DLGAP1: variants seen among roughly 807,000 people sequenced by gnomAD.
DLGAP1 encodes disks large-associated protein 1.
In DLGAP1, 11 loss-of-function variants were observed where a neutral mutation model predicts 90.8. The ratio of observed to expected loss-of-function variants is 0.12; its 90% CI spans 0.08 to 0.20. The LOEUF (loss-of-function observed/expected upper bound fraction) is 0.20. Among genes scored for constraint, DLGAP1 ranks in the 10% least tolerant of loss-of-function variants. DLGAP1 has a pLI of 1.00. For synonymous variants in DLGAP1, 558 were observed against 540.7 expected (o/e 1.03, Z -0.44); for missense variants, 1,050 against 1,333.8 (o/e 0.79, Z 3.31).
chr18:4,193,511 G>C (rs1322695907), intron 1 of DLGAP1, among the ~76,000 whole-genome samples: 1 of 152,118 alleles, frequency 6.6e-6, no homozygotes, highest in Non-Finnish European at 1.5e-5. Flanking sequence ...TCAAATGCTA[G>C]GCTGCCACCA....
intron 3 of DLGAP1, among the ~76,000 whole-genome samples, chr18:3,938,150 C>A (rs559822938): frequency 3.9e-5 from 6 of 152,140 alleles, no homozygotes; most frequent in Admixed American, 3.9e-4. Flanking sequence ...GAAACATACA[C>A]GTTAAAAAAG....
intron 11 of DLGAP1, among the ~76,000 whole-genome samples, chr18:3,503,003 C>CACTGT (rs2050025962): frequency 6.6e-6 from 1 of 151,324 alleles, no homozygotes; most frequent in East Asian, 1.9e-4. Flanking sequence ...AAAAAAAATA[C>CACTGT]AGTGTATTAT....
At chr18:3,986,278 C>A (rs2073841343) in intron 3 of DLGAP1, 1 of 152,160 alleles carries the variant, frequency 6.6e-6, no homozygotes, top group Admixed American at 6.5e-5. Flanking sequence ...CTTACAAATC[C>A]TTTTGTTAAG....
At chr18:3,847,735 A>G (rs1174285553) in intron 4 of DLGAP1, among the ~76,000 whole-genome samples, 1 of 152,204 alleles carries the variant, frequency 6.6e-6, no homozygotes, top group Admixed American at 6.5e-5. Context: ...CAATGAAAGA[A>G]ACCTGTTTTA....
intron 7 of DLGAP1, among the ~76,000 whole-genome samples, chr18:3,624,170 T>C (rs9807680): frequency 0.35 from 53,335 of 152,154 alleles, 10,380 homozygotes; most frequent in East Asian, 0.53. Context: ...AGCATGAGCC[T>C]GTCCAACGGT....
intron 1 of DLGAP1, among the ~76,000 whole-genome samples, chr18:4,245,248 AATATTTT>A (rs2078629676): frequency 6.6e-6 from 1 of 152,188 alleles, no homozygotes; most frequent in Non-Finnish European, 1.5e-5. Flanking sequence ...GTAAAATCCG[AATATTTT>A]CATATTAATT....
At chr18:4,041,041 A>G (rs80043221) in intron 2 of DLGAP1, among the ~76,000 whole-genome samples, 3,335 of 152,312 alleles carry the variant, frequency 0.022, 53 homozygotes, top group Non-Finnish European at 0.032. Flanking sequence ...ACTCAGAAGC[A>G]GCAGGGTGAA....
At chr18:3,612,602 A>T (rs2057688213) in intron 7 of DLGAP1, among the ~76,000 whole-genome samples, 2 of 152,204 alleles carry the variant, frequency 1.3e-5, no homozygotes, top group South Asian at 4.1e-4. Context: ...AAACAACAGA[A>T]TCACAGGCTG....
chr18:3,593,647 A>G (rs889528183), intron 7 of DLGAP1: 1 of 152,218 alleles, frequency 6.6e-6, no homozygotes. Context: ...TCCTGTAGTC[A>G]TAAGACACGC....
At chr18:4,203,374 AT>A (rs1233898996) in intron 1 of DLGAP1, among the ~76,000 whole-genome samples, 1 of 152,176 alleles carries the variant, frequency 6.6e-6, no homozygotes, top group Non-Finnish European at 1.5e-5. Flanking sequence ...TATTCATTAA[AT>A]ATTTTCTAAG....
chr18:4,222,615 A>C (rs1245027017), intron 1 of DLGAP1, among the ~76,000 whole-genome samples: 1 of 152,180 alleles, frequency 6.6e-6, no homozygotes, highest in African/African-American at 2.4e-5. Flanking sequence ...TAGTATATTG[A>C]GTAAAAATAT....
In DLGAP1 at chr18:3,626,948, G is replaced by A. The variant is rs1016893042; in HGVS notation, c.1592-44700C>T. Reference sequence around the variant, plus strand: ...TGAAGCTAAGACTGTGGTGATGGTTGTACAACTCTGTGAGCACACACACAA... The same window carrying A: ...TGAAGCTAAGACTGTGGTGATGGTTATACAACTCTGTGAGCACACACACAA... On this transcript the variant is annotated intron_variant, in intron 7 of 12. Coordinates refer to ENST00000315677, the MANE Select transcript of DLGAP1 (RefSeq NM_004746.4). Among the ~76,000 whole-genome samples, 3 of 152,102 alleles carry A rather than the reference G, an allele frequency of 2.0e-5. No homozygotes were observed. The South Asian group carries it at 6.2e-4, about 32-fold the overall frequency.
At chr18:3,718,634 G>A (rs1346502444) in intron 7 of DLGAP1, among the ~76,000 whole-genome samples, 4 of 151,558 alleles carry the variant, frequency 2.6e-5, no homozygotes, top group African/African-American at 9.7e-5. Flanking sequence ...CAGAAATAAT[G>A]ACTGAAAATG....
rs376922058 is a variant in DLGAP1, at chr18:4,151,758, GA to G, written c.-266-472del. Among the ~76,000 whole-genome samples, 108 of 152,244 alleles carry G rather than the reference GA, an allele frequency of 7.1e-4. No homozygotes were observed. The South Asian group carries it at 0.01, about 14-fold the overall frequency. On this transcript the variant is annotated intron_variant, in intron 1 of 12. Coordinates refer to ENST00000315677, the MANE Select transcript of DLGAP1 (RefSeq NM_004746.4). ...TTTTCATTCTGGAAAAAAGCCACAG[GA>G]GGATGCCATTCATGGCATAATATTC...
At chr18:4,353,688 A>G (rs968576980) in intron 1 of DLGAP1, among the ~76,000 whole-genome samples, 6 of 151,044 alleles carry the variant, frequency 4.0e-5, no homozygotes, top group African/African-American at 1.5e-4. Context: ...TTAAATATAT[A>G]TGATATATAA....
At chr18:4,166,686 T>C (rs1568430247) in intron 1 of DLGAP1, among the ~76,000 whole-genome samples, 3 of 152,210 alleles carry the variant, frequency 2.0e-5, no homozygotes, top group Admixed American at 6.5e-5. Flanking sequence ...GAATGAACAA[T>C]GTGGTATATT....
Position 4,049,446 on chromosome 18 carries a change from G to A in DLGAP1, c.-158-44245C>T, listed in dbSNP as rs1598303802. ...CACTCATGCTGGCCGTCACACTGGA[G>A]CCTCTGTGCTCCTTAACTGCTTGCC... On this transcript the variant is annotated intron_variant, in intron 2 of 12. Coordinates refer to ENST00000315677, the MANE Select transcript of DLGAP1 (RefSeq NM_004746.4). Among the ~76,000 whole-genome samples the A allele has an allele frequency of 2.0e-5, 3 of 152,164 alleles. No individual in the cohort carries two copies. The East Asian group carries it at 5.8e-4, about 30-fold the overall frequency.
intron 1 of DLGAP1, among the ~76,000 whole-genome samples, chr18:4,331,956 T>C (rs7233750): frequency 0.37 from 56,456 of 151,584 alleles, 10,868 homozygotes; most frequent in African/African-American, 0.41. Context: ...CCTAAAGATA[T>C]TTGGTCCTTG....
At chr18:4,067,503 C>G (rs112452060) in intron 2 of DLGAP1, among the ~76,000 whole-genome samples, 4,928 of 152,096 alleles carry the variant, frequency 0.032, 99 homozygotes, top group Non-Finnish European at 0.043. Flanking sequence ...AACATTAAAA[C>G]AGACATCTTG....
Sources: allele counts gnomAD v4.1 joint callset (sites outside exome capture counted in the v4.1 genomes callset), GRCh38; gene constraint gnomAD v4.1.1; transcripts MANE v1.5; gene names NCBI Gene and HGNC (gene_info 2026-07-23, HGNC 2026-07-21).